The following PRKG1 variants were observed in gnomAD, a reference collection of about 807,000 sequenced individuals.
PRKG1 encodes the protein cGMP-dependent protein kinase 1.
Under a neutral mutation model 88.1 loss-of-function variants are expected in PRKG1, and 35 were observed. The ratio of observed to expected loss-of-function variants is 0.40; its 90% CI spans 0.30 to 0.53. The LOEUF (loss-of-function observed/expected upper bound fraction) is 0.53, where lower values mean the gene tolerates loss of function less well. Among genes scored for constraint, PRKG1 ranks in the 20% least tolerant of loss-of-function variants. The pLI is 0.59. For synonymous variants in PRKG1, 303 were observed against 292.5 expected (o/e 1.04, Z -0.37); for missense variants, 540 against 839.8 (o/e 0.64, Z 4.41).
chr10:52,138,058 C>T (rs1213663050), intron 8 of PRKG1, among the ~76,000 whole-genome samples: 2 of 152,180 alleles, frequency 1.3e-5, no homozygotes, highest in South Asian at 2.1e-4. Context: ...AACTCTATCC[C>T]TGATTCACTG....
intron 2 of PRKG1, among the ~76,000 whole-genome samples, chr10:51,314,914 T>C (rs1032124483): frequency 1.3e-5 from 2 of 152,204 alleles, no homozygotes; most frequent in East Asian, 1.9e-4. Context: ...TGGTCTCACA[T>C]CTATGCCCTT....
chr10:51,237,595 G>A (rs7917098), intron 2 of PRKG1, among the ~76,000 whole-genome samples: 6,603 of 152,278 alleles, frequency 0.043, 186 homozygotes, highest in Middle Eastern at 0.092. Flanking sequence ...GCTCAGAGCA[G>A]TCTTCTCCAA....
At chr10:51,922,499 T>G (rs1842483643) in intron 5 of PRKG1, among the ~76,000 whole-genome samples, 1 of 151,912 alleles carries the variant, frequency 6.6e-6, no homozygotes, top group African/African-American at 2.4e-5. Flanking sequence ...TTATTTATTT[T>G]TAGATCTTTC....
chr10:51,525,879 C>A (rs1273571241), intron 3 of PRKG1, among the ~76,000 whole-genome samples: 4 of 151,564 alleles, frequency 2.6e-5, no homozygotes, highest in African/African-American at 7.3e-5. Flanking sequence ...AGGCTGGAGC[C>A]CAGTGGCATG....
intron 2 of PRKG1, among the ~76,000 whole-genome samples, chr10:51,330,145 ATTT>A (rs1217737865): frequency 1.3e-4 from 13 of 96,680 alleles, no homozygotes; most frequent in South Asian, 6.5e-4. Flanking sequence ...TTATTTATTT[ATTT>A]TTTATTTATT....
At chr10:51,201,383 C>T (rs1041072710) in intron 2 of PRKG1, among the ~76,000 whole-genome samples, 1 of 151,950 alleles carries the variant, frequency 6.6e-6, no homozygotes, top group Non-Finnish European at 1.5e-5. Context: ...ACCTGGGTGG[C>T]GGAGGTTGCA....
At chr10:51,162,049 C>CT (rs1434093450) in intron 2 of PRKG1, among the ~76,000 whole-genome samples, 1 of 152,182 alleles carries the variant, frequency 6.6e-6, no homozygotes, top group Non-Finnish European at 1.5e-5. Context: ...TCTTCAGGGA[C>CT]TTTAACATGA....
intron 5 of PRKG1, among the ~76,000 whole-genome samples, chr10:52,033,778 G>C (rs907374229): frequency 3.3e-5 from 5 of 152,168 alleles, no homozygotes; most frequent in Admixed American, 1.3e-4. Flanking sequence ...CGTGTGAACA[G>C]ACCACCAAAC....
intron 4 of PRKG1, among the ~76,000 whole-genome samples, chr10:51,892,458 G>C (rs1937670): frequency 6.6e-6 from 1 of 152,012 alleles, no homozygotes; most frequent in Admixed American, 6.6e-5. Flanking sequence ...AGGCAGCAAG[G>C]TTTCAGAAGC....
intron 9 of PRKG1, among the ~76,000 whole-genome samples, chr10:52,204,127 C>T (rs1433417269): frequency 1.3e-5 from 2 of 150,370 alleles, no homozygotes; most frequent in Admixed American, 1.3e-4. Context: ...TTGAGATGGA[C>T]TCTTGCTCTG....
At chr10:51,897,991 AC>A (rs1554853371) in intron 4 of PRKG1, among the ~76,000 whole-genome samples, 1 of 151,668 alleles carries the variant, frequency 6.6e-6, no homozygotes, top group Non-Finnish European at 1.5e-5. Flanking sequence ...TTGTGACCTG[AC>A]CCCACCCTTA....
At chr10:51,697,838 G>A in intron 3 of PRKG1, 2 of 1,614,092 alleles carry the variant, frequency 1.2e-6, no homozygotes, top group Non-Finnish European at 1.7e-6. Flanking sequence ...CTGATCCTGT[G>A]GAGTGACCTG....
At chr10:51,305,825 C>T (rs1262685670) in intron 2 of PRKG1, among the ~76,000 whole-genome samples, 1 of 152,162 alleles carries the variant, frequency 6.6e-6, no homozygotes, top group Non-Finnish European at 1.5e-5. Flanking sequence ...TTGCTAAGCA[C>T]ATATCTTGTG....
intron 5 of PRKG1, among the ~76,000 whole-genome samples, chr10:51,934,700 G>C (rs1842766931): frequency 6.6e-6 from 1 of 152,152 alleles, no homozygotes; most frequent in Admixed American, 6.6e-5. Context: ...CTGGAGTAGT[G>C]AAAGATTAGC....
chr10:52,207,880 A>C (rs900272614), intron 9 of PRKG1, among the ~76,000 whole-genome samples: 1 of 151,878 alleles, frequency 6.6e-6, no homozygotes, highest in African/African-American at 2.4e-5. Flanking sequence ...TTCCCTCTGA[A>C]GATCTGCCTG....
At chr10:51,197,408 G>C (rs1040818408) in intron 2 of PRKG1, among the ~76,000 whole-genome samples, 9 of 152,004 alleles carry the variant, frequency 5.9e-5, no homozygotes, top group African/African-American at 2.2e-4. Context: ...AAGTGGCTGG[G>C]ACTACAGTGC....
intron 3 of PRKG1, among the ~76,000 whole-genome samples, chr10:51,623,971 A>G (rs1270021174): frequency 6.6e-6 from 1 of 151,874 alleles, no homozygotes; most frequent in Non-Finnish European, 1.5e-5. Flanking sequence ...CCACTCCACA[A>G]CCCCTGGGGC....
chr10:51,253,455 A>AT (rs1431825043), intron 2 of PRKG1, among the ~76,000 whole-genome samples: 1 of 151,852 alleles, frequency 6.6e-6, no homozygotes, highest in Non-Finnish European at 1.5e-5. Flanking sequence ...TTTCCCCCCA[A>AT]TAGACATCCC....
At chr10:51,691,398 C>G (rs1841140567) in intron 3 of PRKG1, among the ~76,000 whole-genome samples, 1 of 151,446 alleles carries the variant, frequency 6.6e-6, no homozygotes, top group Non-Finnish European at 1.5e-5. Context: ...GCCTCCACCT[C>G]CTGGGCTGAA....
Sources: gnomAD v4.1 joint callset for allele counts (sites outside exome capture counted in the v4.1 genomes callset) on GRCh38, gnomAD v4.1.1 for gene constraint, MANE v1.5 for transcripts, NCBI Gene and HGNC (gene_info 2026-07-23, HGNC 2026-07-21) for gene names.